The following RUNDC3B variants were observed in gnomAD, a reference collection of about 807,000 sequenced individuals.
RUNDC3B encodes RUN domain-containing protein 3B.
Under a neutral mutation model 58.4 loss-of-function variants are expected in RUNDC3B, and 33 were observed. The ratio of observed to expected loss-of-function variants is 0.56; its 90% confidence interval spans 0.43 to 0.75. RUNDC3B has a LOEUF of 0.75. Ranked by LOEUF, RUNDC3B falls within the 30% of genes least tolerant of loss-of-function variation. RUNDC3B has a pLI of 0.00. For synonymous variants in RUNDC3B, 193 were observed against 195.2 expected (o/e 0.99, Z 0.10); for missense variants, 501 against 535.7 (o/e 0.94, Z 0.64).
intron 4 of RUNDC3B, among the ~76,000 whole-genome samples, chr7:87,727,469 TTAA>T (rs1406441412): frequency 1.3e-5 from 2 of 152,188 alleles, no homozygotes. Context: ...TCTTTGATTA[TTAA>T]TGTTTGTATC....
rs947910380 is a variant in RUNDC3B at position 87,658,038 on chromosome 7, A to G, written c.238+7101A>G. Among the ~76,000 whole-genome samples, 8 of 152,178 alleles carry G rather than the reference A, an allele frequency of 5.3e-5. No individual in the cohort carries two copies. In the East Asian group the frequency reaches 1.5e-3, roughly 29 times the overall value. ...ATTTGTCATACCAAGAACCAGGAAG[A>G]TCTCAGATTGCATAATAAAAGATAG... On this transcript the variant is annotated intron_variant, in intron 2 of 10. Coordinates refer to ENST00000394654, the MANE Select transcript of RUNDC3B (RefSeq NM_001134405.2).
At chr7:87,654,732 A>G (rs1277819556) in intron 2 of RUNDC3B, among the ~76,000 whole-genome samples, 1 of 152,150 alleles carries the variant, frequency 6.6e-6, no homozygotes, top group Non-Finnish European at 1.5e-5. Context: ...AAGTGGAATT[A>G]CATCAAACTA....
chr7:87,761,534 T>C (rs908027515), intron 6 of RUNDC3B, among the ~76,000 whole-genome samples: 1 of 151,942 alleles, frequency 6.6e-6, no homozygotes, highest in African/African-American at 2.4e-5. Flanking sequence ...ACATGAATGT[T>C]CATTATTCTT....
rs572085805 is a variant in RUNDC3B at position 87,781,014 on chromosome 7, G to A, written c.956+3059G>A. On this transcript the variant is annotated intron_variant, in intron 8 of 10. Coordinates refer to ENST00000394654, the MANE Select transcript of RUNDC3B (RefSeq NM_001134405.2). ...TTTCTTTTCTAATTCTGTGAAAAAT[G>A]ATGTTGGTATTTTAATAGGGATAGC... 8.5e-5 allele frequency among the ~76,000 whole-genome samples: 13 copies of A among 152,244 alleles called. 1 individual carries two copies. The highest frequency in any genetic ancestry group is 3.1e-4 in the African/African-American group (13 of 41,574).
chr7:87,703,126 C>A (rs959070079), intron 3 of RUNDC3B, among the ~76,000 whole-genome samples: 12 of 152,086 alleles, frequency 7.9e-5, no homozygotes, highest in African/African-American at 2.7e-4. Context: ...AAGATGAAGA[C>A]ATAATTCATT....
At chr7:87,653,565 C>A (rs1823791589) in intron 2 of RUNDC3B, among the ~76,000 whole-genome samples, 1 of 152,034 alleles carries the variant, frequency 6.6e-6, no homozygotes, top group African/African-American at 2.4e-5. Context: ...ATAAAGCAGT[C>A]CATCAAGTTA....
At chr7:87,756,831 T>C (rs1833401922) in intron 6 of RUNDC3B, among the ~76,000 whole-genome samples, 1 of 152,114 alleles carries the variant, frequency 6.6e-6, no homozygotes, top group East Asian at 1.9e-4. Flanking sequence ...ATATGTTATA[T>C]ATGTTATGTG....
At chr7:87,781,555 T>C (rs1834923565) in intron 8 of RUNDC3B, among the ~76,000 whole-genome samples, 1 of 152,122 alleles carries the variant, frequency 6.6e-6, no homozygotes, top group South Asian at 2.1e-4. Flanking sequence ...TGTCCTTGTC[T>C]TATTCTACTT....
At chr7:87,718,654 A>G (rs1830698014) in intron 4 of RUNDC3B, among the ~76,000 whole-genome samples, 1 of 152,186 alleles carries the variant, frequency 6.6e-6, no homozygotes, top group Non-Finnish European at 1.5e-5. Context: ...TACAAAATGT[A>G]TGATTTATTC....
chr7:87,745,313 A>C (rs1308148372), intron 6 of RUNDC3B, among the ~76,000 whole-genome samples: 1 of 152,060 alleles, frequency 6.6e-6, no homozygotes, highest in Non-Finnish European at 1.5e-5. Context: ...TTTTGGTATG[A>C]GGGTGATGCT....
intron 2 of RUNDC3B, 132 bp downstream of exon 2, chr7:87,651,069 C>G: frequency 5.0e-6 from 3 of 599,200 alleles, no homozygotes; most frequent in Non-Finnish European, 5.9e-6. Context: ...ATCTTTTGGC[C>G]TGTGTGACTA....
chr7:87,706,570 A>G (rs983594934), intron 3 of RUNDC3B, among the ~76,000 whole-genome samples: 1 of 152,220 alleles, frequency 6.6e-6, no homozygotes, highest in African/African-American at 2.4e-5. Context: ...CAACCAAGGC[A>G]TGAGAACTTG....
intron 2 of RUNDC3B, among the ~76,000 whole-genome samples, chr7:87,687,446 T>C (rs1209584998): frequency 6.6e-6 from 1 of 152,214 alleles, no homozygotes; most frequent in Non-Finnish European, 1.5e-5. Context: ...TCCCCTGAGT[T>C]ACATTAAGTC....
intron 10 of RUNDC3B, among the ~76,000 whole-genome samples, chr7:87,822,901 G>T (rs1051692966): frequency 2.6e-5 from 4 of 152,118 alleles, no homozygotes; most frequent in African/African-American, 9.7e-5. Flanking sequence ...GGTAGGGGTA[G>T]TGGGGAGGGA....
chr7:87,811,357 T>C (rs1432065411), intron 9 of RUNDC3B, among the ~76,000 whole-genome samples: 2 of 149,960 alleles, frequency 1.3e-5, no homozygotes, highest in Non-Finnish European at 3.0e-5. Context: ...TTTTTTTTAA[T>C]GGAGTCTCAC....
At chr7:87,790,444 G>T (rs1835462558) in intron 8 of RUNDC3B, among the ~76,000 whole-genome samples, 1 of 152,082 alleles carries the variant, frequency 6.6e-6, no homozygotes, top group African/African-American at 2.4e-5. Context: ...ACTGACAAAT[G>T]TCTACAAACA....
chr7:87,703,845 A>C (rs1324947017), intron 3 of RUNDC3B, among the ~76,000 whole-genome samples: 2 of 107,014 alleles, frequency 1.9e-5, no homozygotes, highest in Non-Finnish European at 3.8e-5. Flanking sequence ...ATGCAGTGTG[A>C]ATTCCCCTTT....
Position 87,830,266 on chromosome 7 carries a change from T to TAAA in RUNDC3B, c.*247_*249dup. On this transcript the variant is annotated 3_prime_UTR_variant, in exon 11 of 11. Transcript: ENST00000394654. ...AGAAAGTTCAAAATGGAATAGGCTT[T>TAAA]AAAAAAAAAAAAACTTTCAAAGATC... 4.9e-5 allele frequency: 11 copies of TAAA among 226,564 alleles called. No homozygotes were observed. Among genetic ancestry groups the TAAA allele is most frequent in the East Asian group, 2.4e-4 (3 of 12,352 alleles). 14.0% of individuals were successfully genotyped at this position (226,564 alleles called of 1,614,324 possible).
At chr7:87,734,481 A>G (rs960274665) in intron 4 of RUNDC3B, among the ~76,000 whole-genome samples, 3 of 151,990 alleles carry the variant, frequency 2.0e-5, no homozygotes, top group African/African-American at 7.3e-5. Context: ...CTCATCCTCA[A>G]TCTCTTTACT....
Sources: allele counts gnomAD v4.1 joint callset (sites outside exome capture counted in the v4.1 genomes callset), GRCh38; gene constraint gnomAD v4.1.1; transcripts MANE v1.5; gene names NCBI Gene and HGNC (gene_info 2026-07-23, HGNC 2026-07-21).